OSBPL10: variants seen among roughly 807,000 people sequenced by gnomAD.
The protein encoded by OSBPL10 is oxysterol binding protein like 10.
OSBPL10 carries 49 observed loss-of-function variants against 81.7 expected under a neutral mutation model. The observed-to-expected ratio is 0.60, with a 90% confidence interval of 0.48 to 0.76. OSBPL10 has a LOEUF of 0.76. Ranked by LOEUF, OSBPL10 falls within the 30% of genes least tolerant of loss-of-function variation. The pLI is 0.00. For synonymous variants in OSBPL10, 419 were observed against 383.6 expected (o/e 1.09, Z -1.08); for missense variants, 923 against 987.8 (o/e 0.93, Z 0.88).
chr3:31,887,322 G>C (rs944159390), intron 1 of OSBPL10, among the ~76,000 whole-genome samples: 3 of 152,160 alleles, frequency 2.0e-5, no homozygotes, highest in Non-Finnish European at 4.4e-5. Flanking sequence ...TATGTGAAGT[G>C]GGGGGCCAAA....
intron 1 of OSBPL10, among the ~76,000 whole-genome samples, chr3:31,969,753 G>C (rs889913965): frequency 1.3e-5 from 2 of 152,086 alleles, no homozygotes; most frequent in African/African-American, 2.4e-5. Context: ...TACTCCGGAG[G>C]CTAAGGCAGG....
chr3:31,844,859 T>C (rs1700588913), intron 3 of OSBPL10, among the ~76,000 whole-genome samples: 1 of 152,118 alleles, frequency 6.6e-6, no homozygotes. Context: ...GGATCACTAG[T>C]GGCTATGAGT....
At chr3:31,914,459 T>TA (rs1696688236) in intron 1 of OSBPL10, among the ~76,000 whole-genome samples, 1 of 152,244 alleles carries the variant, frequency 6.6e-6, no homozygotes, top group Non-Finnish European at 1.5e-5. Context: ...CAGCAGGCAG[T>TA]GTTTCCCAAC....
Position 31,829,124 on chromosome 3 carries a change from G to T in OSBPL10, c.729+916C>A, listed in dbSNP as rs553101916. Among the ~76,000 whole-genome samples, 6 of 152,188 alleles carry T rather than the reference G, an allele frequency of 3.9e-5. No individual in the cohort carries two copies. The East Asian group carries it at 9.7e-4, about 25-fold the overall frequency. On this transcript the variant is annotated intron_variant, in intron 4 of 11. Transcript: ENST00000396556. ...CCAGACGCATGCTAACTCAAGCAGCGGCAAGACCCTAGTCGAGGAGTCTCA... is the reference window on the plus strand; with the variant it reads ...CCAGACGCATGCTAACTCAAGCAGCTGCAAGACCCTAGTCGAGGAGTCTCA...
At chr3:31,882,494 G>T (rs1695611165) in intron 1 of OSBPL10, among the ~76,000 whole-genome samples, 1 of 152,208 alleles carries the variant, frequency 6.6e-6, no homozygotes, top group South Asian at 2.1e-4. Context: ...CAAGCTTCCA[G>T]GTAATCTGCT....
chr3:32,033,985 G>A (rs1699497096), intron 2 of OSBPL10, among the ~76,000 whole-genome samples: 2 of 152,166 alleles, frequency 1.3e-5, no homozygotes, highest in Admixed American at 1.3e-4. Flanking sequence ...CATTGCTAGG[G>A]ACACCTTAGG....
At chr3:31,757,507 TC>T (rs2125714577) in intron 4 of OSBPL10, among the ~76,000 whole-genome samples, 1 of 152,326 alleles carries the variant, frequency 6.6e-6, no homozygotes, top group South Asian at 2.1e-4. Flanking sequence ...ATTTTGGACT[TC>T]CAGCCTCCAC....
chr3:31,675,937 C>A (rs1354783300), intron 8 of OSBPL10, among the ~76,000 whole-genome samples: 1 of 135,022 alleles, frequency 7.4e-6, no homozygotes, highest in Non-Finnish European at 1.5e-5. Context: ...CAGAGCGAGA[C>A]TCCATCTCAA....
At chr3:31,926,323 A>AT (rs764550808) in intron 1 of OSBPL10, among the ~76,000 whole-genome samples, 36 of 131,822 alleles carry the variant, frequency 2.7e-4, no homozygotes, top group Non-Finnish European at 4.5e-4. Context: ...GTCTGGAAAG[A>AT]TTTTTTATTG....
chr3:31,723,572 C>CA (rs753039730), intron 6 of OSBPL10, among the ~76,000 whole-genome samples: 31 of 146,762 alleles, frequency 2.1e-4, no homozygotes, highest in African/African-American at 6.1e-4. Context: ...ACACACACAC[C>CA]CCTTTCCCTC....
At chr3:31,749,620 G>C (rs2125700726) in intron 4 of OSBPL10, among the ~76,000 whole-genome samples, 1 of 152,152 alleles carries the variant, frequency 6.6e-6, no homozygotes, top group African/African-American at 2.4e-5. Context: ...CTCGAGACCA[G>C]CCTGGCCAAC....
intron 2 of OSBPL10, chr3:31,990,245 A>C: frequency 3.1e-6 from 5 of 1,614,086 alleles, no homozygotes; most frequent in Non-Finnish European, 4.2e-6. Flanking sequence ...ATTCACCATC[A>C]AGCAATCCAT....
intron 6 of OSBPL10, among the ~76,000 whole-genome samples, chr3:31,705,452 T>C (rs1176102714): frequency 1.4e-5 from 2 of 146,120 alleles, no homozygotes; most frequent in African/African-American, 5.2e-5. Flanking sequence ...GTCAACTCTG[T>C]CTGAAAGAGG....
intron 4 of OSBPL10, among the ~76,000 whole-genome samples, chr3:31,807,310 C>T (rs1418987655): frequency 6.6e-6 from 1 of 151,936 alleles, no homozygotes; most frequent in Non-Finnish European, 1.5e-5. Context: ...GAGGTGTAGG[C>T]TGCAGTGAGC....
intron 4 of OSBPL10, among the ~76,000 whole-genome samples, chr3:31,817,344 GGA>G (rs1226992523): frequency 6.6e-6 from 1 of 152,206 alleles, no homozygotes; most frequent in Admixed American, 6.5e-5. Context: ...CACTGGGAGA[GGA>G]GAGAGGCCAG....
chr3:31,928,817 C>A (rs1338815027), intron 1 of OSBPL10, among the ~76,000 whole-genome samples: 1 of 151,312 alleles, frequency 6.6e-6, no homozygotes, highest in African/African-American at 2.4e-5. Flanking sequence ...CCTTTAAACC[C>A]CAACTGGACT....
At chr3:31,872,355 C>T (rs932648422) in intron 3 of OSBPL10, among the ~76,000 whole-genome samples, 1 of 152,116 alleles carries the variant, frequency 6.6e-6, no homozygotes, top group Non-Finnish European at 1.5e-5. Context: ...CCACAGCCTC[C>T]TGGTTGGGGC....
chr3:31,769,596 A>T (rs1698314974), intron 4 of OSBPL10, among the ~76,000 whole-genome samples: 1 of 142,534 alleles, frequency 7.0e-6, no homozygotes, highest in South Asian at 2.1e-4. Flanking sequence ...ATATTTTATT[A>T]AAAATATATT....
At chr3:31,755,068 AT>A (rs778408266) in intron 4 of OSBPL10, among the ~76,000 whole-genome samples, 1 of 152,154 alleles carries the variant, frequency 6.6e-6, no homozygotes, top group East Asian at 1.9e-4. Context: ...TGCTTGCTTC[AT>A]CTCCTGCCTC....
Sources: gnomAD v4.1 joint callset for allele counts (sites outside exome capture counted in the v4.1 genomes callset) on GRCh38, gnomAD v4.1.1 for gene constraint, MANE v1.5 for transcripts, NCBI Gene and HGNC (gene_info 2026-07-23, HGNC 2026-07-21) for gene names.